SH2D2A: variants seen among roughly 807,000 people sequenced by gnomAD.
SH2D2A encodes SH2 domain containing 2A, also known as SH2 domain-containing protein 2A.
A neutral mutation model predicts 43.6 loss-of-function variants in SH2D2A; 33 were observed. The observed-to-expected ratio is 0.76, with a 90% CI of 0.57 to 1.01. The LOEUF is 1.01. Ranked by LOEUF, SH2D2A falls within the 50% of genes least tolerant of loss-of-function variation. SH2D2A has a pLI of 0.00. For missense variants in SH2D2A, 491 were observed against 503.1 expected (o/e 0.98, Z 0.23); for synonymous variants, 212 against 206.1 (o/e 1.03, Z -0.25).
chr1:156,807,353 GAGA>G lies in SH2D2A; in HGVS notation c.1003-11_1003-9del, dbSNP rs1165380882. 5 of 1,525,572 alleles carry G rather than the reference GAGA, an allele frequency of 3.3e-6. No individual in the cohort carries two copies. The highest frequency in any genetic ancestry group is 2.5e-5 in the South Asian group (2 of 78,872). The allele number at this position is 1,525,572 out of a possible 1,614,324, so 94.5% of individuals were successfully genotyped here. A position where few individuals can be genotyped will look rare whatever the true frequency, so the allele number is the denominator to read the frequency against. ...CTGGGAGCCACCTGTATTCTGCAGA[GAGA>G]AGGACAGTTCTAGGTCACACCCTCT... On this transcript the variant is annotated splice_polypyrimidine_tract_variant and intron_variant, in intron 7 of 8. Transcript: ENST00000368199. This position sits in a 1 kb window ranked among gnomAD's most constrained non-coding sequence, Gnocchi z 5.1.
intron 5 of SH2D2A, among the ~76,000 whole-genome samples, chr1:156,812,122 C>T (rs1165874544): frequency 1.3e-5 from 2 of 152,056 alleles, no homozygotes; most frequent in Non-Finnish European, 2.9e-5. Flanking sequence ...CATCCAATCC[C>T]ACAAAAACCC....
chr1:156,816,540 C>CCAAT, intron 1 of SH2D2A, 135 bp downstream of exon 1: 4 of 741,622 alleles, frequency 5.4e-6, no homozygotes, highest in Non-Finnish European at 8.7e-6. Flanking sequence ...GGTCACCCTG[C>CCAAT]CAATCAGCTT....
At chr1:156,812,504 G>A (rs2102805865) in intron 5 of SH2D2A, among the ~76,000 whole-genome samples, 1 of 152,334 alleles carries the variant, frequency 6.6e-6, no homozygotes, top group East Asian at 1.9e-4. Context: ...TGCCGAGAAT[G>A]CTTTTCCTCC....
At position 156,815,124 on chromosome 1, in the gene SH2D2A, G is replaced by A. The variant is rs765639165; in HGVS notation, c.221C>T (p.Thr74Ile). 11 of 1,610,228 alleles carry A rather than the reference G, an allele frequency of 6.8e-6. No individual in the cohort carries two copies. Among genetic ancestry groups the A allele is most frequent in the South Asian group, 1.1e-5 (1 of 90,368 alleles). Residue 74 changes from threonine (T) to isoleucine (I), a missense_variant, in exon 3 of 9, where the codon ACC becomes ATC. Coordinates refer to ENST00000368199, the MANE Select transcript of SH2D2A (RefSeq NM_003975.4). ...CTGGGTCTTCTGGAACCAAGCCCGG[G>A]TCTCGGCCTGCAGGAACAGGCTTCC... Reference protein sequence around the residue: ...GEGSLFLQAETRAWFQKTQAH... With the variant: ...GEGSLFLQAEIRAWFQKTQAH...
Position 156,809,339 on chromosome 1 carries a change from A to C in SH2D2A, c.866T>G (p.Phe289Cys). ...AGGGCTGCCCCGGCCCATGGCATAGAAAGCTATGGGTTCATCAGGCTCATT... is the reference window on the plus strand; with the variant it reads ...AGGGCTGCCCCGGCCCATGGCATAGCAAGCTATGGGTTCATCAGGCTCATT... ...IYNEPDEPIA[F>C]YAMGRGSPGE... The change falls in exon 7 of 9, where the codon TTC becomes TGC. Residue 289 changes from phenylalanine (F) to cysteine (C), a missense_variant. Phe to Cys is a radical substitution (Grantham distance 205, BLOSUM62 -2). Transcript: ENST00000368199. This position sits in a 1 kb window ranked among gnomAD's most constrained non-coding sequence, Gnocchi z 4.8. 6.2e-7 allele frequency: 1 copy of C among 1,614,096 alleles called. No individual in the cohort carries two copies. The highest frequency in any genetic ancestry group is 1.1e-5 in the South Asian group (1 of 91,080).
rs531826071 is a variant in SH2D2A, at chr1:156,816,255, T to C, written c.35-161A>G. The C allele has an allele frequency of 6.3e-6, 5 of 792,540 alleles. No homozygotes were observed. The Admixed American group carries it at 3.1e-4, about 49-fold the overall frequency. The allele number at this position is 792,540 out of a possible 1,614,324, so 49.1% of individuals were successfully genotyped here. ...GCAGGGGAGTTTCTCAGGCATGAGGTTAAGTAGCCAAGGCGGCATGGGGGG... is the reference window on the plus strand; with the variant it reads ...GCAGGGGAGTTTCTCAGGCATGAGGCTAAGTAGCCAAGGCGGCATGGGGGG... On this transcript the variant is annotated intron_variant, in intron 1 of 8. Transcript: ENST00000368199.
intron 1 of SH2D2A, 58 bp from the exon 2 acceptor site, chr1:156,816,152 C>A (rs915837261): frequency 2.3e-5 from 36 of 1,537,976 alleles, no homozygotes; most frequent in Non-Finnish European, 3.1e-5. Context: ...TCTGTCTCTG[C>A]CTCCCACCCC....
chr1:156,815,131 C>T lies in SH2D2A; in HGVS notation c.214G>A (p.Ala72Thr), dbSNP rs544543274. The T allele has an allele frequency of 3.1e-6, 5 of 1,609,630 alleles. No homozygotes were observed. The East Asian group carries it at 1.1e-4, about 36-fold the overall frequency. ...VPGEGSLFLQAETRAWFQKTQ... is the reference protein window; with the variant it reads ...VPGEGSLFLQTETRAWFQKTQ... ...TTCTGGAACCAAGCCCGGGTCTCGG[C>T]CTGCAGGAACAGGCTTCCTTCTCCA... Residue 72 changes from alanine (A) to threonine (T), a missense_variant, in exon 3 of 9, where the codon GCC becomes ACC. By Grantham distance (58) the Ala-to-Thr change is moderately conservative. Coordinates refer to ENST00000368199, the MANE Select transcript of SH2D2A (RefSeq NM_003975.4).
intron 5 of SH2D2A, among the ~76,000 whole-genome samples, chr1:156,810,457 C>T (rs1293458014): frequency 6.6e-6 from 1 of 152,150 alleles, no homozygotes; most frequent in Non-Finnish European, 1.5e-5. Context: ...GACATGGGGA[C>T]CAATCTCCAT....
chr1:156,807,695 G>A lies in SH2D2A; in HGVS notation c.1003-350C>T, dbSNP rs1653068822. The stretch of plus-strand genomic sequence containing the variant: ...AGGGGGTGGCCTCTGAGAAGGGAAA[G>A]CTGGTCTTGAAGGATGATTAGAAAG... On this transcript the variant is annotated intron_variant, in intron 7 of 8. Coordinates refer to ENST00000368199, the MANE Select transcript of SH2D2A (RefSeq NM_003975.4). The surrounding 1 kb of genome is among the most constrained non-coding windows in gnomAD (Gnocchi z 5.1). Among the ~76,000 whole-genome samples the A allele has an allele frequency of 6.6e-6, 1 of 152,260 alleles. No homozygotes were observed. Among genetic ancestry groups the A allele is most frequent in the African/African-American group, 2.4e-5 (1 of 41,464 alleles).
intron 1 of SH2D2A, 97 bp from the exon 2 acceptor site, chr1:156,816,191 C>A: frequency 6.7e-7 from 1 of 1,482,406 alleles, no homozygotes; most frequent in Non-Finnish European, 9.0e-7. Flanking sequence ...ATCTGGAGGG[C>A]TGGGACAGTC....
At chr1:156,810,443 T>A (rs1333152699) in intron 5 of SH2D2A, among the ~76,000 whole-genome samples, 1 of 152,190 alleles carries the variant, frequency 6.6e-6, no homozygotes, top group African/African-American at 2.4e-5. Flanking sequence ...ACTGAAAAAT[T>A]ATTGACATGG....
intron 7 of SH2D2A, among the ~76,000 whole-genome samples, chr1:156,808,616 C>T (rs1653150821): frequency 6.6e-6 from 1 of 151,912 alleles, no homozygotes; most frequent in Non-Finnish European, 1.5e-5. Context: ...GGTGGGATGG[C>T]TGCTGGGGCT....
intron 5 of SH2D2A, among the ~76,000 whole-genome samples, chr1:156,812,908 T>C (rs781306662): frequency 1.3e-5 from 2 of 152,216 alleles, no homozygotes; most frequent in African/African-American, 2.4e-5. Context: ...GTTTTTCCAG[T>C]GCGCAGAAAG....
chr1:156,812,391 C>T (rs911199284), intron 5 of SH2D2A, among the ~76,000 whole-genome samples: 4 of 152,214 alleles, frequency 2.6e-5, no homozygotes, highest in African/African-American at 9.7e-5. Context: ...CTCTATCCCT[C>T]AGTCACCGGA....
At position 156,809,741 on chromosome 1, in the gene SH2D2A, G is replaced by C. The variant is rs924601341; in HGVS notation, c.634C>G (p.Pro212Ala). 6.2e-6 allele frequency: 10 copies of C among 1,613,996 alleles called. No homozygotes were observed. Among genetic ancestry groups the C allele is most frequent in the Admixed American group, 5.0e-5 (3 of 59,978 alleles). ...ESNFGSKSQDPNPQYSPIIKQ... is the reference protein window; with the variant it reads ...ESNFGSKSQDANPQYSPIIKQ... ...ATGATTGGGCTGTACTGGGGGTTTGGGTCCTGGCTTTTGCTTCCAAAGTTT... is the reference window on the plus strand; with the variant it reads ...ATGATTGGGCTGTACTGGGGGTTTGCGTCCTGGCTTTTGCTTCCAAAGTTT... The change falls in exon 6 of 9, where the codon CCA becomes GCA. Residue 212 changes from proline to alanine, a missense_variant. Physicochemically the swap from Pro to Ala is conservative, Grantham distance 27 (BLOSUM62 -1). Coordinates refer to ENST00000368199, the MANE Select transcript of SH2D2A (RefSeq NM_003975.4). This position sits in a 1 kb window ranked among gnomAD's most constrained non-coding sequence, Gnocchi z 4.8.
Position 156,815,854 on chromosome 1 carries a change from G to T in SH2D2A, c.123+152C>A, listed in dbSNP as rs200656218. ...CATGAAGGAGGTACTCCTCATTTTC[G>T]TTCTCTCTCTCTGTGCCCCAGCCCG... On this transcript the variant is annotated intron_variant, in intron 2 of 8. Transcript: ENST00000368199. 341 of 1,614,130 alleles carry T rather than the reference G, an allele frequency of 2.1e-4. 3 individuals carry two copies. The African/African-American group carries it at 3.1e-3, about 15-fold the overall frequency.
At chr1:156,813,291 G>T (rs1653553074) in intron 5 of SH2D2A, among the ~76,000 whole-genome samples, 1 of 152,230 alleles carries the variant, frequency 6.6e-6, no homozygotes, top group African/African-American at 2.4e-5. Context: ...GCCTGCAGGG[G>T]CTGCTACTGC....
At position 156,811,367 on chromosome 1, in the gene SH2D2A, C is replaced by T. The variant is rs537702584; in HGVS notation, c.568-1560G>A. Among the ~76,000 whole-genome samples the T allele has an allele frequency of 2.9e-4, 44 of 152,302 alleles. No individual in the cohort carries two copies. The East Asian group carries it at 7.3e-3, about 25-fold the overall frequency. On this transcript the variant is annotated intron_variant, in intron 5 of 8. Coordinates refer to ENST00000368199, the MANE Select transcript of SH2D2A (RefSeq NM_003975.4). Reference sequence around the variant, plus strand: ...GAGCAGAGCAATCTTACAGAAACTCCCCTAGCAATCCTTGGGTGGCAGCCC... The same window carrying T: ...GAGCAGAGCAATCTTACAGAAACTCTCCTAGCAATCCTTGGGTGGCAGCCC...
Sources: gnomAD v4.1 joint callset for allele counts (sites outside exome capture counted in the v4.1 genomes callset) on GRCh38, gnomAD v4.1.1 for gene constraint, Gnocchi (gnomAD v3.1) non-coding constraint, MANE v1.5 for transcripts, NCBI Gene and HGNC (gene_info 2026-07-23, HGNC 2026-07-21) for gene names.